The following LOC400499 variants were observed in gnomAD, a reference collection of about 807,000 sequenced individuals.
the LOC400499 span, chr16:11,417,662 C>A: frequency 7.5e-6 from 3 of 399,088 alleles, no homozygotes; most frequent in Non-Finnish European, 1.3e-5. Flanking sequence ...CTAAGGCAGG[C>A]CTCGCCTGGG....
chr16:11,416,495 G>T, the LOC400499 span, among the ~76,000 whole-genome samples: 1 of 152,220 alleles, frequency 6.6e-6, no homozygotes, highest in Admixed American at 6.5e-5. Flanking sequence ...TCATAGGCTC[G>T]TTCATGCACC....
the LOC400499 span, among the ~76,000 whole-genome samples, chr16:11,495,979 A>T: frequency 1.3e-5 from 2 of 152,164 alleles, no homozygotes; most frequent in Non-Finnish European, 2.9e-5. Flanking sequence ...CTGGCTGTGA[A>T]CAGGGGCCTC....
chr16:11,449,228 G>C, the LOC400499 span: 3 of 880,070 alleles, frequency 3.4e-6, no homozygotes, highest in Non-Finnish European at 4.7e-6. Flanking sequence ...CCCCTTCAAT[G>C]CCATTTCTCT....
At chr16:11,395,892 C>A in the LOC400499 span, among the ~76,000 whole-genome samples, 1 of 152,124 alleles carries the variant, frequency 6.6e-6, no homozygotes, top group Non-Finnish European at 1.5e-5. Flanking sequence ...CTGATCCCCT[C>A]CTACAGATGA....
At chr16:11,480,592 A>G in the LOC400499 span, among the ~76,000 whole-genome samples, 1 of 152,228 alleles carries the variant, frequency 6.6e-6, no homozygotes, top group Non-Finnish European at 1.5e-5. Context: ...GCGAATGGTG[A>G]GCTTCTAGTA....
the LOC400499 span, chr16:11,396,375 G>T: frequency 1.2e-6 from 1 of 821,070 alleles, no homozygotes; most frequent in Non-Finnish European, 1.6e-6. Flanking sequence ...CATCCAGAAT[G>T]CTGGTTTGCA....
At chr16:11,514,211 A>T in the LOC400499 span, 1 of 397,274 alleles carries the variant, frequency 2.5e-6, no homozygotes, top group East Asian at 3.6e-5. Flanking sequence ...AGAAGTGGCT[A>T]ACTCTCCTGA....
the LOC400499 span, among the ~76,000 whole-genome samples, chr16:11,378,948 G>C: frequency 6.6e-6 from 1 of 152,202 alleles, no homozygotes; most frequent in East Asian, 1.9e-4. Flanking sequence ...TCTTCTGTCT[G>C]GGTGTTGTAT....
chr16:11,524,651 T>C, the LOC400499 span, among the ~76,000 whole-genome samples: 4,577 of 152,220 alleles, frequency 0.03, 240 homozygotes, highest in African/African-American at 0.1. Flanking sequence ...CATGAGCAGA[T>C]GTGGTGAGGT....
At chr16:11,390,257 C>T in the LOC400499 span, 50 of 1,232,550 alleles carry the variant, frequency 4.1e-5, no homozygotes, top group Non-Finnish European at 4.8e-5. Context: ...CTGCCAACTA[C>T]GCCCCATCCT....
chr16:11,517,196 AG>A, the LOC400499 span, among the ~76,000 whole-genome samples: 1 of 152,036 alleles, frequency 6.6e-6, no homozygotes, highest in African/African-American at 2.4e-5. Context: ...TCTTCTTCCA[AG>A]GGTCCCTTCC....
the LOC400499 span, chr16:11,447,922 G>A: frequency 5.7e-5 from 87 of 1,532,942 alleles, no homozygotes; most frequent in African/African-American, 1.1e-3. Context: ...TGAGCAGAAG[G>A]GGCGCACATA....
chr16:11,462,041 C>A, the LOC400499 span: 1 of 1,287,470 alleles, frequency 7.8e-7, no homozygotes, highest in South Asian at 1.7e-5. Flanking sequence ...TGATGAGGAC[C>A]ATAAGGAGGC....
the LOC400499 span, chr16:11,385,211 C>T: frequency 8.1e-7 from 1 of 1,232,292 alleles, no homozygotes; most frequent in Non-Finnish European, 1.0e-6. Context: ...TCCTGCTCAC[C>T]TGCAGACTGG....
the LOC400499 span, among the ~76,000 whole-genome samples, chr16:11,458,500 T>C: frequency 6.8e-6 from 1 of 146,346 alleles, no homozygotes; most frequent in East Asian, 2.0e-4. Flanking sequence ...AGCGAAACTC[T>C]GTCTCAAAAA....
chr16:11,488,321 G>C, the LOC400499 span, among the ~76,000 whole-genome samples: 1 of 152,176 alleles, frequency 6.6e-6, no homozygotes, highest in East Asian at 1.9e-4. Context: ...TAAAATAACT[G>C]ATATGACTTC....
chr16:11,456,802 G>T, the LOC400499 span: 1 of 1,521,080 alleles, frequency 6.6e-7, no homozygotes, highest in Admixed American at 2.0e-5. Context: ...TTGAGCAAAG[G>T]CCTGGAGATC....
the LOC400499 span, among the ~76,000 whole-genome samples, chr16:11,463,909 G>A: frequency 1.3e-5 from 2 of 152,270 alleles, no homozygotes; most frequent in Middle Eastern, 3.4e-3. Flanking sequence ...ATGTCCACAT[G>A]TGGACTGTGT....
the LOC400499 span, chr16:11,477,794 C>A: frequency 2.5e-6 from 1 of 398,814 alleles, no homozygotes; most frequent in South Asian, 1.3e-4. Flanking sequence ...ACCACCTAAC[C>A]TGCGCCAGCT....
Sources: gnomAD v4.1 joint callset for allele counts (sites outside exome capture counted in the v4.1 genomes callset) on GRCh38, gnomAD v4.1.1 for gene constraint, MANE v1.5 for transcripts.